RANBP2: variants seen among roughly 807,000 people sequenced by gnomAD.
RANBP2 encodes RAN binding protein 2.
Under a neutral mutation model 303.6 loss-of-function variants are expected in RANBP2, and 57 were observed. That is an observed-to-expected ratio of 0.19 (90% CI 0.15 to 0.23). The LOEUF is 0.23. Among genes scored for constraint, RANBP2 ranks in the 10% least tolerant of loss-of-function variants. RANBP2 has a pLI of 1.00. For synonymous variants in RANBP2, 1,167 were observed against 1,301.5 expected, an observed-to-expected ratio of 0.90 and a Z score of 2.23; for missense variants, 3,138 against 3,780.8, an observed-to-expected ratio of 0.83 and a Z score of 4.46.
the RANBP2 span, among the ~76,000 whole-genome samples, chr2:109,541,077 T>C: frequency 2.0e-5 from 3 of 152,238 alleles, no homozygotes; most frequent in Non-Finnish European, 4.4e-5. Context: ...TTTTTCTGTA[T>C]TGGCATTTTA....
the RANBP2 span, among the ~76,000 whole-genome samples, chr2:109,634,804 T>C: frequency 2.1e-5 from 3 of 142,154 alleles, no homozygotes; most frequent in Admixed American, 2.3e-4. Context: ...CAATATTTAC[T>C]AAAACTAATT....
chr2:109,733,889 C>T, the RANBP2 span, among the ~76,000 whole-genome samples: 3 of 150,686 alleles, frequency 2.0e-5, no homozygotes, highest in East Asian at 2.0e-4. Flanking sequence ...AAAAAAATGT[C>T]GGCCGGGCGC....
At chr2:109,629,302 GATATATATATATATATATATAT>G in the RANBP2 span, among the ~76,000 whole-genome samples, 58 of 77,670 alleles carry the variant, frequency 7.5e-4, 2 homozygotes, top group African/African-American at 2.7e-3. Context: ...CTGGCCTAAA[GATATATATATATATATATATAT>G]ATATATATAT....
the RANBP2 span, among the ~76,000 whole-genome samples, chr2:109,165,670 C>A: frequency 6.6e-6 from 1 of 152,158 alleles, no homozygotes; most frequent in Non-Finnish European, 1.5e-5. Context: ...ACACTTGGAG[C>A]CCACATAGCA....
At chr2:109,208,170 C>T in the RANBP2 span, among the ~76,000 whole-genome samples, 33 of 152,386 alleles carry the variant, frequency 2.2e-4, no homozygotes, top group African/African-American at 6.7e-4. Context: ...CAGCATGCAA[C>T]TGCCCTGTGG....
the RANBP2 span, chr2:108,856,806 C>A: frequency 6.2e-7 from 1 of 1,613,034 alleles, no homozygotes; most frequent in South Asian, 1.1e-5. Context: ...GATTACCTGG[C>A]TCAGGCATTT....
the RANBP2 span, among the ~76,000 whole-genome samples, chr2:109,255,822 T>C: frequency 6.6e-6 from 1 of 152,232 alleles, no homozygotes; most frequent in African/African-American, 2.4e-5. Context: ...TGTTTGTGCT[T>C]TTAATAGGCC....
the RANBP2 span, among the ~76,000 whole-genome samples, chr2:109,641,253 C>T: frequency 6.6e-6 from 1 of 152,152 alleles, no homozygotes; most frequent in East Asian, 1.9e-4. Context: ...ATTCTCCTGT[C>T]TCAGCCTCCC....
the RANBP2 span, among the ~76,000 whole-genome samples, chr2:109,020,604 C>A: frequency 6.6e-6 from 1 of 152,166 alleles, no homozygotes; most frequent in Admixed American, 6.5e-5. Context: ...AGAAACCCCA[C>A]AATGATATTA....
At chr2:108,780,732 G>A (rs541769434) in intron 25 of RANBP2, among the ~76,000 whole-genome samples, 47 of 144,840 alleles carry the variant, frequency 3.2e-4, no homozygotes, top group African/African-American at 1.2e-3. Flanking sequence ...TTTTTGAGAC[G>A]GAGTTTCACT....
At chr2:109,151,513 T>C in the RANBP2 span, among the ~76,000 whole-genome samples, 1 of 152,244 alleles carries the variant, frequency 6.6e-6, no homozygotes, top group African/African-American at 2.4e-5. Flanking sequence ...AAAAAGAAAT[T>C]GGTGAAATTA....
the RANBP2 span, among the ~76,000 whole-genome samples, chr2:108,858,496 A>T: frequency 6.6e-6 from 1 of 152,188 alleles, no homozygotes; most frequent in East Asian, 1.9e-4. Context: ...TGAATCTTTG[A>T]TGATGTCTGA....
the RANBP2 span, among the ~76,000 whole-genome samples, chr2:109,181,640 C>T: frequency 2.7e-4 from 41 of 152,208 alleles, no homozygotes; most frequent in African/African-American, 9.2e-4. Context: ...CAGTAGATGC[C>T]TGTTGCCGAA....
At chr2:109,609,926 T>C in the RANBP2 span, among the ~76,000 whole-genome samples, 22 of 152,218 alleles carry the variant, frequency 1.4e-4, no homozygotes, top group Non-Finnish European at 2.8e-4. Flanking sequence ...AGATCCACTA[T>C]CTCAGTCAAC....
chr2:109,258,167 G>A, the RANBP2 span, among the ~76,000 whole-genome samples: 2 of 152,156 alleles, frequency 1.3e-5, no homozygotes, highest in African/African-American at 2.4e-5. Context: ...CCCCATCAAC[G>A]AGGCTTACGA....
At chr2:109,478,183 C>T in the RANBP2 span, among the ~76,000 whole-genome samples, 368 of 152,336 alleles carry the variant, frequency 2.4e-3, 1 homozygote, top group Admixed American at 3.6e-3. Flanking sequence ...CATTCTATGA[C>T]CTAACGGCCT....
the RANBP2 span, among the ~76,000 whole-genome samples, chr2:108,949,789 G>C: frequency 3.3e-5 from 5 of 152,290 alleles, no homozygotes; most frequent in African/African-American, 1.2e-4. Context: ...CAGTTAAGAT[G>C]ATGAGGTATG....
At chr2:109,466,624 G>A in the RANBP2 span, among the ~76,000 whole-genome samples, 1 of 152,094 alleles carries the variant, frequency 6.6e-6, no homozygotes, top group Non-Finnish European at 1.5e-5. Flanking sequence ...TGTGTCTTTG[G>A]TGTTTTATCT....
the RANBP2 span, among the ~76,000 whole-genome samples, chr2:109,293,624 A>G: frequency 6.6e-6 from 1 of 152,218 alleles, no homozygotes; most frequent in Non-Finnish European, 1.5e-5. Flanking sequence ...CAAGTTTCCA[A>G]GACTCCTTCA....
Sources: gnomAD v4.1 joint callset for allele counts (sites outside exome capture counted in the v4.1 genomes callset) on GRCh38, gnomAD v4.1.1 for gene constraint, MANE v1.5 for transcripts, NCBI Gene and HGNC (gene_info 2026-07-23, HGNC 2026-07-21) for gene names.